NOSTRIN: variants seen among roughly 807,000 people sequenced by gnomAD.
NOSTRIN encodes BM247 homolog.
A neutral mutation model predicts 59.0 loss-of-function variants in NOSTRIN; 63 were observed. That is an observed-to-expected ratio of 1.07 (90% CI 0.87 to 1.32). NOSTRIN has a LOEUF of 1.32. Ranked by LOEUF, NOSTRIN falls within the 40% of genes most tolerant of loss-of-function variation. NOSTRIN has a pLI of 0.00. For synonymous variants in NOSTRIN, 200 were observed against 165.4 expected (o/e 1.21, Z -1.61); for missense variants, 512 against 473.1 (o/e 1.08, Z -0.76).
intron 7 of NOSTRIN, among the ~76,000 whole-genome samples, chr2:168,840,398 C>T (rs953797123): frequency 6.6e-6 from 1 of 151,870 alleles, no homozygotes; most frequent in Non-Finnish European, 1.5e-5. Flanking sequence ...GGCGTGGTGG[C>T]AGGCACCTGT....
chr2:168,841,932 G>A (rs1366881010), intron 7 of NOSTRIN, among the ~76,000 whole-genome samples: 1 of 152,224 alleles, frequency 6.6e-6, no homozygotes, highest in Non-Finnish European at 1.5e-5. Context: ...AATAGACTGT[G>A]TGGGGAAACC....
intron 1 of NOSTRIN, among the ~76,000 whole-genome samples, chr2:168,810,643 AG>A (rs1353739834): frequency 6.6e-6 from 1 of 152,238 alleles, no homozygotes; most frequent in Non-Finnish European, 1.5e-5. Context: ...GTATGAGCAA[AG>A]AACAGCACAG....
chr2:168,823,440 GGAAAATTT>G (rs1686872953), intron 2 of NOSTRIN, among the ~76,000 whole-genome samples: 1 of 152,172 alleles, frequency 6.6e-6, no homozygotes, highest in Non-Finnish European at 1.5e-5. Context: ...GGGCTGTGAG[GGAAAATTT>G]GTTCTGTGCC....
intron 1 of NOSTRIN, among the ~76,000 whole-genome samples, chr2:168,811,033 C>T (rs952305516): frequency 3.9e-5 from 6 of 152,100 alleles, no homozygotes; most frequent in East Asian, 1.9e-4. Flanking sequence ...CAACTCATTG[C>T]GATAACATTT....
chr2:168,863,026 AAAGAC>A (rs2105802063), intron 15 of NOSTRIN, among the ~76,000 whole-genome samples: 1 of 34,814 alleles, frequency 2.9e-5, no homozygotes, highest in South Asian at 1.7e-3. Context: ...TATGTGAATA[AAAGAC>A]AGACATACTT....
intron 2 of NOSTRIN, among the ~76,000 whole-genome samples, chr2:168,815,824 G>A (rs1199399798): frequency 2.0e-5 from 3 of 152,088 alleles, no homozygotes. Flanking sequence ...GAACCACAAA[G>A]TCAATATGTC....
At chr2:168,815,099 A>G (rs931593966) in intron 2 of NOSTRIN, among the ~76,000 whole-genome samples, 9 of 152,180 alleles carry the variant, frequency 5.9e-5, no homozygotes, top group African/African-American at 2.2e-4. Flanking sequence ...CAGCACCACA[A>G]TCAAGCTGCC....
At chr2:168,858,681 T>A (rs1409087504) in intron 12 of NOSTRIN, among the ~76,000 whole-genome samples, 1 of 152,220 alleles carries the variant, frequency 6.6e-6, no homozygotes, top group Non-Finnish European at 1.5e-5. Context: ...CACAATGCAG[T>A]GGATTCCTCC....
chr2:168,798,650 A>G (rs1269395154), upstream of NOSTRIN, among the ~76,000 whole-genome samples: 2 of 152,226 alleles, frequency 1.3e-5, no homozygotes, highest in African/African-American at 4.8e-5. Context: ...TCTAACCGGA[A>G]GCCAGGCTGG....
At chr2:168,791,649 A>G (rs1320426259) in intron 2 of NOSTRIN, among the ~76,000 whole-genome samples, 2 of 152,140 alleles carry the variant, frequency 1.3e-5, no homozygotes, top group Non-Finnish European at 2.9e-5. Flanking sequence ...CCTCTCCAGC[A>G]CCTGTTGTTT....
intron 2 of NOSTRIN, among the ~76,000 whole-genome samples, chr2:168,788,888 T>C (rs1685271485): frequency 7.5e-6 from 1 of 132,546 alleles, no homozygotes; most frequent in Non-Finnish European, 1.6e-5. Flanking sequence ...CACACACAGA[T>C]AAAAAGATAG....
intron 1 of NOSTRIN, among the ~76,000 whole-genome samples, chr2:168,803,395 A>G (rs1685690566): frequency 6.6e-6 from 1 of 152,236 alleles, no homozygotes; most frequent in Non-Finnish European, 1.5e-5. Flanking sequence ...TTATCCCAAC[A>G]CATGGGGCTG....
At chr2:168,833,996 CAGG>C (rs1418417680) in intron 6 of NOSTRIN, 1 of 440,178 alleles carries the variant, frequency 2.3e-6, no homozygotes, top group African/African-American at 2.0e-5. Flanking sequence ...AAAAAGTATG[CAGG>C]AGTTCTCCGG....
chr2:168,832,984 G>A (rs866712109), intron 6 of NOSTRIN, among the ~76,000 whole-genome samples: 7 of 152,174 alleles, frequency 4.6e-5, no homozygotes, highest in Middle Eastern at 3.4e-3. Context: ...CAGGAATTCA[G>A]TACAATGAAT....
At chr2:168,799,425 G>T (rs1685561202), upstream of NOSTRIN, among the ~76,000 whole-genome samples, 1 of 152,152 alleles carries the variant, frequency 6.6e-6, no homozygotes, top group Admixed American at 6.5e-5. Flanking sequence ...CATTTTTGGG[G>T]ACTGGAGGAA....
chr2:168,837,992 CT>C (rs1687841788), intron 7 of NOSTRIN, among the ~76,000 whole-genome samples: 1 of 152,098 alleles, frequency 6.6e-6, no homozygotes, highest in East Asian at 1.9e-4. Flanking sequence ...TCACTCTATT[CT>C]CTTCACCATT....
At chr2:168,795,946 G>T (rs184393781), upstream of NOSTRIN, among the ~76,000 whole-genome samples, 1 of 152,298 alleles carries the variant, frequency 6.6e-6, no homozygotes, top group Non-Finnish European at 1.5e-5. Flanking sequence ...GGCAAAGGCC[G>T]AAACCCTTAA....
upstream of NOSTRIN, among the ~76,000 whole-genome samples, chr2:168,795,297 T>C (rs144268624): frequency 8.4e-3 from 1,284 of 152,328 alleles, 17 homozygotes; most frequent in African/African-American, 0.029. Flanking sequence ...TAAGACTGAT[T>C]GCAGATGAGC....
rs1221733096 is a variant in NOSTRIN at position 168,862,028 on chromosome 2, G to A, written c.1363G>A (p.Asp455Asn). The A allele has an allele frequency of 6.2e-6, 10 of 1,614,162 alleles. No homozygotes were observed. Among genetic ancestry groups the A allele is most frequent in the Non-Finnish European group, 8.5e-6 (10 of 1,179,998 alleles). ...GTATTCTTTTCAAGCCAGGCAAGAT[G>A]ATGAGTTGAATTTGGAAAAGGGTAA... The part of the protein sequence containing the change: ...ALYSFQARQD[D>N]ELNLEKGDIV... The change falls in exon 15 of 16, where the codon GAT becomes AAT. Residue 455 changes from aspartate to asparagine, a missense_variant. Coordinates refer to ENST00000317647, the MANE Select transcript of NOSTRIN (RefSeq NM_001039724.4).
Sources: gnomAD v4.1 joint callset for allele counts (sites outside exome capture counted in the v4.1 genomes callset) on GRCh38, gnomAD v4.1.1 for gene constraint, MANE v1.5 for transcripts, NCBI Gene and HGNC (gene_info 2026-07-23, HGNC 2026-07-21) for gene names.